PPP2R2C: variants seen among roughly 807,000 people sequenced by gnomAD.
PPP2R2C encodes protein phosphatase 2, regulatory subunit B, gamma.
PPP2R2C carries 10 observed loss-of-function variants against 45.3 expected under a neutral mutation model. The observed-to-expected ratio is 0.22, with a 90% CI of 0.14 to 0.37. The LOEUF is 0.37. Ranked by LOEUF, PPP2R2C falls within the 10% of genes least tolerant of loss-of-function variation. PPP2R2C has a pLI of 1.00. For synonymous variants in PPP2R2C, 257 were observed against 245.4 expected (o/e 1.05, Z -0.44); for missense variants, 308 against 619.7 (o/e 0.50, Z 5.34).
At position 6,378,659 on chromosome 4, in the gene PPP2R2C, T is replaced by C; in HGVS notation, c.169-87A>G. ...TCCGGGGACCCAGCAGGGCCGGCCG[T>C]GGGACCAAGTGCCGAGCCGTGCCAG... is the stretch of plus-strand genomic sequence containing the variant. On this transcript the variant is annotated intron_variant, in intron 2 of 8. Coordinates refer to ENST00000382599, the MANE Select transcript of PPP2R2C (RefSeq NM_020416.4). This position sits in a 1 kb window ranked among gnomAD's most constrained non-coding sequence, Gnocchi z 5.2. 7.2e-7 allele frequency: 1 copy of C among 1,390,098 alleles called. No homozygotes were observed. Among genetic ancestry groups the C allele is most frequent in the Non-Finnish European group, 9.8e-7 (1 of 1,018,022 alleles). 86.1% of individuals were successfully genotyped at this position (1,390,098 alleles called of 1,614,324 possible).
chr4:6,491,300 G>A (rs111412690), intron 2 of PPP2R2C, among the ~76,000 whole-genome samples: 3,999 of 152,290 alleles, frequency 0.026, 192 homozygotes, highest in African/African-American at 0.091. Flanking sequence ...TGTGCCTCCT[G>A]CATGATGGTG....
At chr4:6,421,173 G>A (rs1014692804) in intron 1 of PPP2R2C, 1 of 969,458 alleles carries the variant, frequency 1.0e-6, no homozygotes. Flanking sequence ...GTTAGCACAT[G>A]ACCAGTGGGG....
At chr4:6,533,559 A>G (rs921214636) in intron 2 of PPP2R2C, among the ~76,000 whole-genome samples, 2 of 152,154 alleles carry the variant, frequency 1.3e-5, no homozygotes, top group Non-Finnish European at 1.5e-5. Context: ...AAGGAAACAT[A>G]CTGTTTTATG....
intron 1 of PPP2R2C, among the ~76,000 whole-genome samples, chr4:6,544,471 T>A (rs895999175): frequency 1.3e-5 from 2 of 151,974 alleles, no homozygotes; most frequent in African/African-American, 4.8e-5. Flanking sequence ...GCCTCCTGAG[T>A]AGCTGGGATT....
chr4:6,400,472 T>C lies in PPP2R2C; in HGVS notation c.71-19378A>G, dbSNP rs142659746. ...CAAAGTTGGCAAATATTGAAGGATA[T>C]AGCCCACATACACAAAACCTCTTTG... On this transcript the variant is annotated intron_variant, in intron 1 of 8. Coordinates refer to ENST00000382599, the MANE Select transcript of PPP2R2C (RefSeq NM_020416.4). Among the ~76,000 whole-genome samples, 7 of 152,354 alleles carry C rather than the reference T, an allele frequency of 4.6e-5. No individual in the cohort carries two copies. In the East Asian group the frequency reaches 1.2e-3, roughly 25 times the overall value.
intron 1 of PPP2R2C, chr4:6,381,914 T>G: frequency 1.3e-6 from 2 of 1,582,526 alleles, no homozygotes; most frequent in Non-Finnish European, 1.7e-6. Context: ...ATTCTCAGGT[T>G]CTACGAGTCA....
At chr4:6,383,327 G>C in intron 1 of PPP2R2C, 17 of 1,286,080 alleles carry the variant, frequency 1.3e-5, no homozygotes, top group Non-Finnish European at 1.7e-5. Context: ...CCACAGAATC[G>C]CAGATGCAAG....
chr4:6,329,422 T>A lies in PPP2R2C; in HGVS notation c.961-69A>T. 7.3e-7 allele frequency: 1 copy of A among 1,368,972 alleles called. No individual in the cohort carries two copies. Among genetic ancestry groups the A allele is most frequent in the Non-Finnish European group, 1.0e-6 (1 of 960,048 alleles). 84.8% of individuals were successfully genotyped at this position (1,368,972 alleles called of 1,614,324 possible). On this transcript the variant is annotated intron_variant, in intron 7 of 8. Transcript: ENST00000382599. The surrounding 1 kb of genome is among the most constrained non-coding windows in gnomAD (Gnocchi z 5.8). ...CATCCTGGCCCTTCCACAAGAAGGG[T>A]CTCAAAGAGCAGCGAGGGTCTGCAT...
At chr4:6,393,671 C>T (rs11935416) in intron 1 of PPP2R2C, among the ~76,000 whole-genome samples, 19,522 of 152,190 alleles carry the variant, frequency 0.13, 1,983 homozygotes, top group African/African-American at 0.28. Flanking sequence ...GGACAGGGAT[C>T]GGGGAGGCCA....
intron 2 of PPP2R2C, among the ~76,000 whole-genome samples, chr4:6,532,982 G>C (rs1018924463): frequency 1.3e-5 from 2 of 152,254 alleles, no homozygotes; most frequent in African/African-American, 4.8e-5. Flanking sequence ...AGTTTACACA[G>C]CACGGTGAAG....
intron 3 of PPP2R2C, among the ~76,000 whole-genome samples, chr4:6,376,380 G>A (rs1715303179): frequency 6.6e-6 from 1 of 152,140 alleles, no homozygotes; most frequent in Non-Finnish European, 1.5e-5. Flanking sequence ...GGGAAGCTTT[G>A]AGGGGAGCGG....
chr4:6,531,844 G>A (rs1327918421), intron 2 of PPP2R2C, among the ~76,000 whole-genome samples: 2 of 152,166 alleles, frequency 1.3e-5, no homozygotes, highest in African/African-American at 2.4e-5. Flanking sequence ...AAGTGAAGAG[G>A]CTGAGGCAGC....
Position 6,368,307 on chromosome 4 carries a change from C to T in PPP2R2C, c.625+4216G>A, listed in dbSNP as rs1036691010. Among the ~76,000 whole-genome samples, 3 of 152,192 alleles carry T rather than the reference C, an allele frequency of 2.0e-5. No individual in the cohort carries two copies. The highest frequency in any genetic ancestry group is 2.9e-5 in the Non-Finnish European group (2 of 68,030). On this transcript the variant is annotated intron_variant, in intron 5 of 8. Coordinates refer to ENST00000382599, the MANE Select transcript of PPP2R2C (RefSeq NM_020416.4). This position sits in a 1 kb window ranked among gnomAD's most constrained non-coding sequence, Gnocchi z 4.2. ...AGGCGTGGCTGGAGAGAAATGTACA[C>T]GGCTGCGCTGGCTGGGCCACCGACT... is the stretch of plus-strand genomic sequence containing the variant.
chr4:6,349,258 G>A (rs549862569), intron 5 of PPP2R2C: 1 of 985,316 alleles, frequency 1.0e-6, no homozygotes, highest in Admixed American at 6.1e-5. Flanking sequence ...AGGTGCATGT[G>A]AGCCCTGGAG....
intron 1 of PPP2R2C, among the ~76,000 whole-genome samples, chr4:6,544,154 C>G (rs1177198642): frequency 6.6e-6 from 1 of 152,176 alleles, no homozygotes; most frequent in Non-Finnish European, 1.5e-5. Flanking sequence ...CTTGGCAGAG[C>G]AGAAAGACAG....
intron 2 of PPP2R2C, among the ~76,000 whole-genome samples, chr4:6,490,610 A>C (rs958762239): frequency 6.6e-6 from 1 of 152,138 alleles, no homozygotes; most frequent in Non-Finnish European, 1.5e-5. Flanking sequence ...AGGAATGGGG[A>C]AACATGACTG....
chr4:6,498,625 C>T (rs951848463), intron 2 of PPP2R2C, among the ~76,000 whole-genome samples: 1 of 152,078 alleles, frequency 6.6e-6, no homozygotes, highest in African/African-American at 2.4e-5. Context: ...GGAGGTGACA[C>T]CCTGCAGTGC....
intron 1 of PPP2R2C, among the ~76,000 whole-genome samples, chr4:6,426,247 A>AGCT (rs1253074254): frequency 6.6e-6 from 1 of 152,216 alleles, no homozygotes; most frequent in Non-Finnish European, 1.5e-5. Flanking sequence ...CACCCTAGCC[A>AGCT]GCTGGGCAGT....
At chr4:6,491,765 C>G (rs940115247) in intron 2 of PPP2R2C, among the ~76,000 whole-genome samples, 2 of 152,220 alleles carry the variant, frequency 1.3e-5, no homozygotes, top group African/African-American at 4.8e-5. Flanking sequence ...CCCCTTCTCT[C>G]TCTCTCTCCT....
Sources: allele counts gnomAD v4.1 joint callset (sites outside exome capture counted in the v4.1 genomes callset), GRCh38; gene constraint gnomAD v4.1.1; non-coding constraint Gnocchi (gnomAD v3.1); transcripts MANE v1.5; gene names NCBI Gene and HGNC (gene_info 2026-07-23, HGNC 2026-07-21).